Variants in NDRG2 observed in about 807,000 individuals in gnomAD.
NDRG2 encodes protein NDRG2.
In NDRG2, 34 loss-of-function variants were observed where a neutral mutation model predicts 58.2. The ratio of observed to expected loss-of-function variants is 0.58; its 90% confidence interval spans 0.44 to 0.78. The LOEUF (loss-of-function observed/expected upper bound fraction) is 0.78. Ranked by LOEUF, NDRG2 falls within the 30% of genes least tolerant of loss-of-function variation. The pLI is 0.00. For synonymous variants in NDRG2, 187 were observed against 175.9 expected (o/e 1.06, Z -0.50); for missense variants, 434 against 471.2 (o/e 0.92, Z 0.73).
intron 1 of NDRG2, among the ~76,000 whole-genome samples, chr14:21,038,541 A>G (rs1453836202): frequency 6.6e-6 from 1 of 152,174 alleles, no homozygotes; most frequent in South Asian, 2.1e-4. Context: ...TCTCATGGTG[A>G]AGTTAGAAGT....
intron 1 of NDRG2, among the ~76,000 whole-genome samples, chr14:21,065,905 C>A (rs533425400): frequency 9.2e-5 from 14 of 152,260 alleles, no homozygotes; most frequent in Non-Finnish European, 1.8e-4. Context: ...TTGAGACCAG[C>A]CTGGCCAACA....
At chr14:21,017,946 A>G (rs1877713217) in intron 15 of NDRG2, 41 bp downstream of exon 15, 1 of 1,614,094 alleles carries the variant, frequency 6.2e-7, no homozygotes, top group Non-Finnish European at 8.5e-7. Flanking sequence ...GTCAGTGCCT[A>G]TCTCTCCTCT....
intron 1 of NDRG2, chr14:21,057,814 A>C (rs1594516121): frequency 8.0e-7 from 1 of 1,253,508 alleles, no homozygotes; most frequent in Non-Finnish European, 1.1e-6. Context: ...AATTCTTAGA[A>C]GGACTAACAA....
rs1289008332 is a variant in NDRG2, at chr14:21,016,980, A to C, written c.*616T>G. The C allele has an allele frequency of 2.2e-6, 1 of 456,576 alleles. No individual in the cohort carries two copies. The allele number at this position is 456,576 out of a possible 1,614,324, so 28.3% of individuals were successfully genotyped here. ...AAAGTTAGTGCAGCCAAACGGCCCC[A>C]GGCCCCTTCCTGTTGCCCCAGCACC... is the stretch of plus-strand genomic sequence containing the variant. On this transcript the variant is annotated 3_prime_UTR_variant, in exon 16 of 16. Transcript: ENST00000556147.
In NDRG2 at chr14:21,070,443, G is replaced by A. The variant is rs1351528779; in HGVS notation, c.24+385C>T. The A allele has an allele frequency of 3.7e-6, 5 of 1,369,110 alleles. No individual in the cohort carries two copies. Among genetic ancestry groups the A allele is most frequent in the South Asian group, 1.8e-5 (1 of 55,678 alleles). 84.8% of individuals were successfully genotyped at this position (1,369,110 alleles called of 1,614,324 possible). ...CCCCCTGGGTCCCCTCGGCCTTCGC[G>A]CAGCCCGCTCCGGGCCCCCAAGTCC... On this transcript the variant is annotated intron_variant, in intron 1 of 14. Coordinates refer to the NDRG2 transcript ENST00000403829. This position sits in a 1 kb window ranked among gnomAD's most constrained non-coding sequence, Gnocchi z 4.7.
intron 1 of NDRG2, chr14:21,057,826 A>T: frequency 7.3e-7 from 1 of 1,376,998 alleles, no homozygotes; most frequent in South Asian, 1.3e-5. Context: ...GACTAACAAG[A>T]CTCCCCCATG....
rs374907802 is a variant in NDRG2 at position 21,017,979 on chromosome 14, A to G, written c.949+8T>C. 1 of 1,614,068 alleles carries G rather than the reference A, an allele frequency of 6.2e-7. No homozygotes were observed. Among genetic ancestry groups the G allele is most frequent in the Admixed American group, 1.7e-5 (1 of 60,008 alleles). On this transcript the variant is annotated splice_region_variant and intron_variant, in intron 15 of 15. Transcript: ENST00000556147. ...TCTAGTGCAGCAAGCTCTTGTCCCG[A>G]TACTCACTGTAGCCCATGCCTTGCA...
At chr14:21,023,761 C>T in intron 1 of NDRG2, 1 of 166,342 alleles carries the variant, frequency 6.0e-6, no homozygotes, top group Non-Finnish European at 1.3e-5. Context: ...TGAGAGTTCA[C>T]AATTGACCAT....
chr14:21,047,808 A>G (rs564015810), intron 1 of NDRG2, among the ~76,000 whole-genome samples: 2 of 152,246 alleles, frequency 1.3e-5, no homozygotes, highest in South Asian at 4.2e-4. Flanking sequence ...AAGGGAGACT[A>G]TCTGAGGTAG....
chr14:21,030,602 A>G (rs746394184), upstream of NDRG2: 1 of 1,613,758 alleles, frequency 6.2e-7, no homozygotes, highest in Non-Finnish European at 8.5e-7. Flanking sequence ...AGGCAGAAAA[A>G]ACATTCCATC....
At chr14:21,031,817 C>T in intron 1 of NDRG2, 1 of 1,500,940 alleles carries the variant, frequency 6.7e-7, no homozygotes, top group Non-Finnish European at 9.0e-7. Flanking sequence ...TTCTAAGTAT[C>T]TCGGGCCATC....
At chr14:21,062,884 C>G (rs941870500) in intron 1 of NDRG2, among the ~76,000 whole-genome samples, 2 of 147,314 alleles carry the variant, frequency 1.4e-5, no homozygotes, top group Non-Finnish European at 3.0e-5. Flanking sequence ...GAGGCTGAGG[C>G]AGGAGGATCA....
intron 1 of NDRG2, among the ~76,000 whole-genome samples, chr14:21,051,659 G>T (rs528005072): frequency 6.6e-6 from 1 of 152,322 alleles, no homozygotes; most frequent in South Asian, 2.1e-4. Context: ...GACCTGGCAG[G>T]AGACAGGGTT....
intron 10 of NDRG2, 155 bp downstream of exon 10, chr14:21,019,482 ACT>A (rs1488674755): frequency 1.4e-5 from 9 of 621,060 alleles, no homozygotes; most frequent in East Asian, 2.8e-5. Context: ...CTTCCCACTG[ACT>A]CTGTCCTGAA....
intron 1 of NDRG2, among the ~76,000 whole-genome samples, chr14:21,041,342 T>C (rs1884887151): frequency 6.6e-6 from 1 of 152,178 alleles, no homozygotes; most frequent in Non-Finnish European, 1.5e-5. Flanking sequence ...TCTTGACACT[T>C]AGTAGATGCT....
In NDRG2 at chr14:21,047,468, G is replaced by C. The variant is rs143316116; in HGVS notation, c.24+23360C>G. ...GCCAAGTTAAAGGATGCCAGGAATA[G>C]TGATGAAATAGGAATTTGACTATTC... On this transcript the variant is annotated intron_variant, in intron 1 of 14. Transcript: ENST00000403829. 3.4e-3 allele frequency among the ~76,000 whole-genome samples: 524 copies of C among 152,312 alleles called. 7 individuals are homozygous for C. The highest frequency in any genetic ancestry group is 0.012 in the African/African-American group (499 of 41,570).
intron 1 of NDRG2, among the ~76,000 whole-genome samples, chr14:21,045,175 T>A (rs1192331601): frequency 6.6e-6 from 1 of 151,634 alleles, no homozygotes; most frequent in Non-Finnish European, 1.5e-5. Flanking sequence ...TCTGCCAGAG[T>A]GATGATCATG....
Position 21,016,846 on chromosome 14 carries a change from T to C in NDRG2, c.*750A>G, listed in dbSNP as rs1439326771. 2 of 456,456 alleles carry C rather than the reference T, an allele frequency of 4.4e-6. No individual in the cohort carries two copies. The highest frequency in any genetic ancestry group is 8.8e-6 in the Non-Finnish European group (2 of 226,764). 28.3% of individuals were successfully genotyped at this position (456,456 alleles called of 1,614,324 possible). A position where few individuals can be genotyped will look rare whatever the true frequency, so the allele number is the denominator to read the frequency against. On this transcript the variant is annotated 3_prime_UTR_variant, in exon 16 of 16. Coordinates refer to ENST00000556147, the MANE Select transcript of NDRG2 (RefSeq NM_001320329.2). ...AGGGCACCCTCCACACATACTACAG[T>C]GTGGTCAGAGCCCCAGGGTAGCCCT...
At chr14:21,055,265 T>A (rs1885624586) in intron 1 of NDRG2, among the ~76,000 whole-genome samples, 1 of 152,262 alleles carries the variant, frequency 6.6e-6, no homozygotes, top group Admixed American at 6.5e-5. Flanking sequence ...CAAAGATTGT[T>A]TTCCAATGTA....
Sources: gnomAD v4.1 joint callset for allele counts (sites outside exome capture counted in the v4.1 genomes callset) on GRCh38, gnomAD v4.1.1 for gene constraint, Gnocchi (gnomAD v3.1) non-coding constraint, MANE v1.5 for transcripts, NCBI Gene and HGNC (gene_info 2026-07-23, HGNC 2026-07-21) for gene names.